AGBL1: variants seen among roughly 807,000 people sequenced by gnomAD.
The protein encoded by AGBL1 is AGBL carboxypeptidase 1.
A neutral mutation model predicts 118.9 loss-of-function variants in AGBL1; 130 were observed. The ratio of observed to expected loss-of-function variants is 1.09; its 90% CI spans 0.95 to 1.26. The LOEUF is 1.26. AGBL1 is among the 50% of genes most tolerant of loss of function. The pLI is 0.00. For missense variants in AGBL1, 1,584 were observed against 1,298.1 expected, an observed-to-expected ratio of 1.22 and a Z score of -3.38; for synonymous variants, 555 against 478.9, an observed-to-expected ratio of 1.16 and a Z score of -2.08.
intron 1 of AGBL1, among the ~76,000 whole-genome samples, chr15:86,116,102 G>A (rs1897740278): frequency 6.6e-6 from 1 of 152,116 alleles, no homozygotes; most frequent in African/African-American, 2.4e-5. Context: ...TTTATTGAGT[G>A]CCATTGTGCT....
At chr15:86,183,067 T>C (rs537315215) in intron 5 of AGBL1, among the ~76,000 whole-genome samples, 2 of 152,322 alleles carry the variant, frequency 1.3e-5, no homozygotes, top group South Asian at 2.1e-4. Flanking sequence ...CTCATGCTTA[T>C]CCAAAAGATT....
intron 21 of AGBL1, chr15:86,631,123 C>T (rs118030690): frequency 0.013 from 2,007 of 152,908 alleles, 29 homozygotes; most frequent in Non-Finnish European, 0.015. Flanking sequence ...CCGTCCGGCT[C>T]TCTTCCTGCT....
Position 86,460,928 on chromosome 15 carries a change from G to A in AGBL1, c.2556-61882G>A, listed in dbSNP as rs545702692. Among the ~76,000 whole-genome samples the A allele has an allele frequency of 4.5e-4, 69 of 152,214 alleles. 1 individual carries two copies. The South Asian group carries it at 0.013, about 28-fold the overall frequency. ...ACTATTAACGTTGCATTTTGTTTCC[G>A]TTGAATTTGACCCATGTGAGAGAAC... is the stretch of plus-strand genomic sequence containing the variant. On this transcript the variant is annotated intron_variant, in intron 18 of 22. Coordinates refer to ENST00000614907, the MANE Select transcript of AGBL1 (RefSeq NM_001386094.1).
intron 1 of AGBL1, among the ~76,000 whole-genome samples, chr15:86,114,204 A>G (rs980729540): frequency 2.0e-5 from 3 of 152,228 alleles, no homozygotes; most frequent in African/African-American, 4.8e-5. Flanking sequence ...CCATTTTCCC[A>G]TTTGAAATAT....
intron 21 of AGBL1, among the ~76,000 whole-genome samples, chr15:86,575,339 A>G (rs1046286051): frequency 1.3e-5 from 2 of 151,564 alleles, no homozygotes; most frequent in African/African-American, 4.8e-5. Context: ...TCTCTATCAA[A>G]AAATCAAAAA....
chr15:86,476,549 C>A (rs891964030), intron 18 of AGBL1, among the ~76,000 whole-genome samples: 1 of 152,174 alleles, frequency 6.6e-6, no homozygotes, highest in Non-Finnish European at 1.5e-5. Flanking sequence ...AATATATATG[C>A]ACCCAATACA....
chr15:86,935,967 C>G (rs1365000621), intron 23 of AGBL1, among the ~76,000 whole-genome samples: 1 of 152,242 alleles, frequency 6.6e-6, no homozygotes, highest in Non-Finnish European at 1.5e-5. Flanking sequence ...CAGTGAAAGA[C>G]TTGAATAAAG....
intron 21 of AGBL1, among the ~76,000 whole-genome samples, chr15:86,572,433 G>T (rs2084023199): frequency 6.6e-6 from 1 of 152,122 alleles, no homozygotes; most frequent in Non-Finnish European, 1.5e-5. Flanking sequence ...GTACCATACC[G>T]TGCTGCTCTC....
chr15:86,159,174 G>A (rs1485981801), intron 5 of AGBL1, 148 bp downstream of exon 5: 1 of 716,112 alleles, frequency 1.4e-6, no homozygotes, highest in Non-Finnish European at 2.4e-6. Flanking sequence ...TCCTTTCTCA[G>A]TTTACATCCC....
At chr15:86,158,208 G>A (rs775461768) in intron 4 of AGBL1, among the ~76,000 whole-genome samples, 3 of 151,898 alleles carry the variant, frequency 2.0e-5, no homozygotes, top group Admixed American at 6.6e-5. Flanking sequence ...AAAGACATCA[G>A]CCTCAGTCTC....
intron 1 of AGBL1, among the ~76,000 whole-genome samples, chr15:86,141,012 A>T (rs1440081553): frequency 6.6e-6 from 1 of 152,204 alleles, no homozygotes; most frequent in East Asian, 1.9e-4. Context: ...GTCTTATGGA[A>T]GATTAAGGCT....
chr15:86,367,761 A>G (rs1421310567), intron 17 of AGBL1, among the ~76,000 whole-genome samples: 2 of 152,204 alleles, frequency 1.3e-5, no homozygotes, highest in Non-Finnish European at 2.9e-5. Flanking sequence ...CTTGTCGTCC[A>G]AACAGATGAC....
chr15:86,477,646 C>T (rs1277879380), intron 18 of AGBL1, among the ~76,000 whole-genome samples: 1 of 152,140 alleles, frequency 6.6e-6, no homozygotes, highest in Non-Finnish European at 1.5e-5. Context: ...CAAATTCTAC[C>T]AGAGGTACAA....
intron 17 of AGBL1, among the ~76,000 whole-genome samples, chr15:86,341,049 G>C (rs2080454064): frequency 6.6e-6 from 1 of 152,188 alleles, no homozygotes; most frequent in Admixed American, 6.5e-5. Flanking sequence ...TGCTGGGGTA[G>C]GACGTGGGAG....
intron 22 of AGBL1, among the ~76,000 whole-genome samples, chr15:86,861,956 A>G (rs928512177): frequency 2.0e-5 from 3 of 152,250 alleles, no homozygotes; most frequent in African/African-American, 7.2e-5. Context: ...CCTAGGTGCT[A>G]AGGATACTGC....
At chr15:86,749,787 G>A (rs1177329194) in intron 22 of AGBL1, among the ~76,000 whole-genome samples, 2 of 152,086 alleles carry the variant, frequency 1.3e-5, no homozygotes, top group Non-Finnish European at 2.9e-5. Context: ...TTTGTCTTTG[G>A]TTCTGTTTAT....
chr15:86,868,144 A>G (rs972235416), intron 22 of AGBL1, among the ~76,000 whole-genome samples: 1 of 152,308 alleles, frequency 6.6e-6, no homozygotes, highest in East Asian at 1.9e-4. Flanking sequence ...GTCATCAGGT[A>G]GAGTTGAAGA....
At chr15:86,181,042 A>G (rs1017428173) in intron 5 of AGBL1, among the ~76,000 whole-genome samples, 10 of 152,128 alleles carry the variant, frequency 6.6e-5, no homozygotes, top group Admixed American at 5.2e-4. Flanking sequence ...GAAGAACACC[A>G]ACACTCACAC....
chr15:86,467,812 C>T (rs2142096639), intron 18 of AGBL1, among the ~76,000 whole-genome samples: 1 of 152,248 alleles, frequency 6.6e-6, no homozygotes, highest in South Asian at 2.1e-4. Context: ...TGGGTTGCAC[C>T]CACTGTCTAA....
Sources: allele counts gnomAD v4.1 joint callset (sites outside exome capture counted in the v4.1 genomes callset), GRCh38; gene constraint gnomAD v4.1.1; transcripts MANE v1.5; gene names NCBI Gene and HGNC (gene_info 2026-07-23, HGNC 2026-07-21).